The following NBPF12 variants were observed in gnomAD, a reference collection of about 807,000 sequenced individuals.
The protein encoded by NBPF12 is NBPF member 12.
NBPF12 carries 115 observed loss-of-function variants against 146.4 expected under a neutral mutation model. The ratio of observed to expected loss-of-function variants is 0.79; its 90% CI spans 0.68 to 0.92. The LOEUF is 0.92. Ranked by LOEUF, NBPF12 falls within the 40% of genes least tolerant of loss-of-function variation. The pLI is 0.00. For synonymous variants in NBPF12, 385 were observed against 508.9 expected, an observed-to-expected ratio of 0.76 and a Z score of 3.28; for missense variants, 1,205 against 1,326.8, an observed-to-expected ratio of 0.91 and a Z score of 1.43.
At chr1:146,992,525 T>A in intron 31 of NBPF12, among the ~76,000 whole-genome samples, 187 bp from the exon 35 acceptor site, 1 of 141,504 alleles carries the variant, frequency 7.1e-6, no homozygotes, top group Middle Eastern at 3.5e-3. Context: ...TATCTGTCTT[T>A]CTCTTTCATT....
chr1:146,972,179 G>A (rs1488492668), intron 13 of NBPF12, among the ~76,000 whole-genome samples: 1 of 150,750 alleles, frequency 6.6e-6, no homozygotes, highest in Non-Finnish European at 1.5e-5. Flanking sequence ...TGGAACACCT[G>A]AGGTCAGGAG....
intron 1 of NBPF12, among the ~76,000 whole-genome samples, chr1:146,939,356 C>G (rs1654690017): frequency 6.6e-6 from 1 of 152,078 alleles, no homozygotes; most frequent in African/African-American, 2.4e-5. Context: ...GGCAAGAGCG[C>G]TCGCGCCCCT....
intron 18 of NBPF12, among the ~76,000 whole-genome samples, chr1:146,978,723 C>A (rs1371215476): frequency 1.4e-5 from 2 of 142,270 alleles, no homozygotes; most frequent in East Asian, 4.3e-4. Context: ...TTGACTCAGG[C>A]AGGGAATATG....
upstream of NBPF12, among the ~76,000 whole-genome samples, chr1:146,948,127 C>T (rs1412227582): frequency 3.3e-5 from 5 of 150,196 alleles, no homozygotes; most frequent in East Asian, 1.9e-4. Context: ...TCTCCTGCCT[C>T]GGCCTCCTGA....
At chr1:146,939,354 C>G (rs1654689677) in intron 1 of NBPF12, among the ~76,000 whole-genome samples, 1 of 152,062 alleles carries the variant, frequency 6.6e-6, no homozygotes. Context: ...TGGGCAAGAG[C>G]GCTCGCGCCC....
intron 6 of NBPF12, among the ~76,000 whole-genome samples, 169 bp downstream of exon 9, chr1:146,963,478 G>A (rs1655996215): frequency 6.6e-6 from 1 of 152,104 alleles, no homozygotes; most frequent in African/African-American, 2.4e-5. Context: ...GGAAACCCAT[G>A]GGTTTGGAGG....
upstream of NBPF12, among the ~76,000 whole-genome samples, chr1:146,946,350 A>AT (rs1655065477): frequency 6.6e-6 from 1 of 151,082 alleles, no homozygotes; most frequent in Admixed American, 6.6e-5. Context: ...CTTTGACAGC[A>AT]TTTGGTGTGT....
chr1:146,975,971 G>A (rs1656966973), intron 16 of NBPF12, 80 bp downstream of exon 19: 7 of 1,226,510 alleles, frequency 5.7e-6, no homozygotes, highest in Non-Finnish European at 8.3e-6. Flanking sequence ...CACAATGACA[G>A]TTGTATCAAT....
At chr1:146,963,621 G>A (rs1416764313) in intron 6 of NBPF12, among the ~76,000 whole-genome samples, 1 of 151,866 alleles carries the variant, frequency 6.6e-6, no homozygotes, top group Non-Finnish European at 1.5e-5. Context: ...AAAGAGCTCT[G>A]GGCTAAGAAT....
chr1:146,962,728 A>C (rs1655938429), intron 5 of NBPF12, among the ~76,000 whole-genome samples: 1 of 145,368 alleles, frequency 6.9e-6, no homozygotes, highest in South Asian at 2.3e-4. Flanking sequence ...ATTTCTGTAC[A>C]TGGCTTTGTA....
intron 14 of NBPF12, 25 bp downstream of exon 17, chr1:146,972,985 T>G (rs1553886833): frequency 5.5e-6 from 5 of 904,980 alleles, no homozygotes; most frequent in Admixed American, 1.7e-5. Flanking sequence ...CTCACCATCA[T>G]GAAAGTGATG....
intron 4 of NBPF12, among the ~76,000 whole-genome samples, chr1:146,960,619 C>T (rs1423512185): frequency 1.3e-5 from 2 of 151,922 alleles, no homozygotes; most frequent in African/African-American, 2.4e-5. Flanking sequence ...TTCAAGAATC[C>T]TCTCTGTACC....
At chr1:146,981,058 C>A (rs1386562652) in intron 19 of NBPF12, among the ~76,000 whole-genome samples, 1 of 137,728 alleles carries the variant, frequency 7.3e-6, no homozygotes, top group Non-Finnish European at 1.5e-5. Flanking sequence ...CATGTTCTTA[C>A]TCACAGGTGG....
chr1:146,956,620 C>G (rs1159959757), intron 2 of NBPF12, among the ~76,000 whole-genome samples: 3 of 151,858 alleles, frequency 2.0e-5, no homozygotes, highest in Non-Finnish European at 4.4e-5. Context: ...ACATGCTTAA[C>G]AACACATGCA....
At chr1:146,981,277 T>TG (rs1657358672) in intron 19 of NBPF12, among the ~76,000 whole-genome samples, 14 of 101,278 alleles carry the variant, frequency 1.4e-4, no homozygotes, top group African/African-American at 5.2e-4. Context: ...CTTAAAGTAT[T>TG]AAAAAAAAAA....
chr1:146,970,270 C>G (rs1406843296), intron 11 of NBPF12, among the ~76,000 whole-genome samples: 56 of 150,292 alleles, frequency 3.7e-4, no homozygotes, highest in Non-Finnish European at 4.3e-4. Context: ...AGTTTGTCCT[C>G]TCCTAAGAGA....
intron 4 of NBPF12, 42 bp downstream of exon 7, chr1:146,960,360 G>A (rs1230767284): frequency 0.13 from 196,212 of 1,459,040 alleles, 15,134 homozygotes; most frequent in Admixed American, 0.33. Context: ...GATGAATGAT[G>A]TCCTGTCTTC....
intron 16 of NBPF12, among the ~76,000 whole-genome samples, chr1:146,976,518 C>A (rs1237733733): frequency 1.0e-5 from 1 of 99,728 alleles, no homozygotes; most frequent in African/African-American, 4.4e-5. Context: ...GGCTTGAAAT[C>A]TTCTAATGCA....
At chr1:146,973,306 G>A (rs1223046736) in intron 14 of NBPF12, among the ~76,000 whole-genome samples, 695 of 151,704 alleles carry the variant, frequency 4.6e-3, no homozygotes, top group African/African-American at 0.016. Flanking sequence ...CATCTAGTCT[G>A]TTGTTCTAAA....
Sources: allele counts gnomAD v4.1 joint callset (sites outside exome capture counted in the v4.1 genomes callset), GRCh38; gene constraint gnomAD v4.1.1; transcripts MANE v1.5; gene names NCBI Gene and HGNC (gene_info 2026-07-23, HGNC 2026-07-21).